Variants in RARS2 observed in about 807,000 individuals in gnomAD.
RARS2 encodes the protein probable arginine--tRNA ligase, mitochondrial.
RARS2 carries 67 observed loss-of-function variants against 88.5 expected under a neutral mutation model. The ratio of observed to expected loss-of-function variants is 0.76; its 90% CI spans 0.62 to 0.93. The LOEUF (loss-of-function observed/expected upper bound fraction) is 0.93. Ranked by LOEUF, RARS2 falls within the 40% of genes least tolerant of loss-of-function variation. The pLI is 0.00. For missense variants in RARS2, 664 were observed against 684.2 expected (o/e 0.97, Z 0.33); for synonymous variants, 239 against 230.3 (o/e 1.04, Z -0.34).
chr6:87,549,513 T>C (rs1216061135), intron 5 of RARS2, among the ~76,000 whole-genome samples: 1 of 151,656 alleles, frequency 6.6e-6, no homozygotes, highest in Non-Finnish European at 1.5e-5. Context: ...ATGACTGCAC[T>C]TCAGCCTGGG....
At chr6:87,548,497 C>T (rs1402390449) in intron 6 of RARS2, 94 bp downstream of exon 6, 8 of 1,262,632 alleles carry the variant, frequency 6.3e-6, no homozygotes, top group Admixed American at 2.1e-5. Context: ...TTGTTTTTTG[C>T]TATTTTGTTA....
chr6:87,571,214 G>A (rs990362961), intron 1 of RARS2, among the ~76,000 whole-genome samples: 2 of 152,298 alleles, frequency 1.3e-5, no homozygotes, highest in African/African-American at 4.8e-5. Context: ...GTTCTCACGA[G>A]ATCTGATGGT....
At chr6:87,576,827 T>C (rs1440705180) in intron 1 of RARS2, among the ~76,000 whole-genome samples, 2 of 152,188 alleles carry the variant, frequency 1.3e-5, no homozygotes, top group Non-Finnish European at 2.9e-5. Context: ...GCTGGATAAG[T>C]TGCTAAATTT....
At chr6:87,534,132 G>C (rs747896157) in intron 8 of RARS2, among the ~76,000 whole-genome samples, 4 of 152,282 alleles carry the variant, frequency 2.6e-5, no homozygotes, top group Non-Finnish European at 5.9e-5. Flanking sequence ...TTAGCTGCTA[G>C]TTGATTCCGA....
At chr6:87,527,899 C>A (rs1001556128) in intron 10 of RARS2, among the ~76,000 whole-genome samples, 2 of 151,970 alleles carry the variant, frequency 1.3e-5, no homozygotes, top group Non-Finnish European at 2.9e-5. Context: ...AGAACACAGA[C>A]TGGGGCCTGT....
At chr6:87,561,033 T>C (rs1424912459) in intron 4 of RARS2, among the ~76,000 whole-genome samples, 1 of 152,236 alleles carries the variant, frequency 6.6e-6, no homozygotes, top group Non-Finnish European at 1.5e-5. Context: ...ATGTTAGTGA[T>C]TTATATATTT....
At chr6:87,560,240 C>G (rs557931358) in intron 4 of RARS2, among the ~76,000 whole-genome samples, 112 of 152,190 alleles carry the variant, frequency 7.4e-4, no homozygotes, top group African/African-American at 1.1e-3. Context: ...TTAAATTTAA[C>G]TTTTTCTTTT....
In RARS2 at chr6:87,545,659, T is replaced by C. The variant is rs980521855; in HGVS notation, c.492A>G (p.Gln164=). The change falls in exon 7 of 20, where the codon CAA becomes CAG. Residue 164 remains glutamine (Q), a synonymous_variant. Coordinates refer to ENST00000369536, the MANE Select transcript of RARS2 (RefSeq NM_020320.5). ...CGCCAAGGTAATTTATTCTTATTAC[T>C]TGATGTCCTAAAGCTTCTTTGAGAT... ...IANLKEALGH[Q]VIRINYLGDW... 6.2e-7 allele frequency: 1 copy of C among 1,613,766 alleles called. No homozygotes were observed. The highest frequency in any genetic ancestry group is 8.5e-7 in the Non-Finnish European group (1 of 1,179,882).
At chr6:87,543,164 A>G (rs1012799536) in intron 7 of RARS2, among the ~76,000 whole-genome samples, 10 of 151,962 alleles carry the variant, frequency 6.6e-5, no homozygotes, top group African/African-American at 2.4e-4. Flanking sequence ...TTAGCCTGGC[A>G]TGGTGGCACA....
chr6:87,555,362 C>G (rs1465000213), intron 5 of RARS2, 46 bp downstream of exon 5: 1 of 1,439,528 alleles, frequency 6.9e-7, no homozygotes, highest in Admixed American at 1.7e-5. Context: ...CACTCCTCTG[C>G]CCAGTCAACT....
chr6:87,567,985 A>T (rs1179430298), intron 2 of RARS2, among the ~76,000 whole-genome samples: 1 of 151,922 alleles, frequency 6.6e-6, no homozygotes, highest in African/African-American at 2.4e-5. Flanking sequence ...GTTAGCCAGG[A>T]TGGTCTCCAT....
rs777750134 is a variant in RARS2 at position 87,562,734 on chromosome 6, T to G, written c.265A>C (p.Asn89His). 53 of 1,613,304 alleles carry G rather than the reference T, an allele frequency of 3.3e-5. 1 individual carries two copies. In the South Asian group the frequency reaches 5.3e-4, roughly 16 times the overall value. The change falls in exon 4 of 20, where the codon AAT (asparagine) becomes CAT (histidine). Residue 89 changes from asparagine to histidine, a missense_variant. Asn to His is a moderately conservative substitution (Grantham distance 68). Transcript: ENST00000369536. The part of the protein sequence containing the change: ...SEISTGQRTV[N>H]FKINRELLTK... ...AAGAGCTCTCTGTTTATTTTGAAAT[T>G]TACAGTCCTTTGACCAGTACTGATT...
intron 2 of RARS2, among the ~76,000 whole-genome samples, chr6:87,567,014 A>C (rs1342403849): frequency 2.6e-5 from 4 of 152,110 alleles, no homozygotes; most frequent in Admixed American, 2.6e-4. Flanking sequence ...GAGCTCAAGC[A>C]ATCCTTCTAC....
intron 1 of RARS2, among the ~76,000 whole-genome samples, chr6:87,571,598 A>C (rs1470017236): frequency 6.6e-6 from 1 of 152,132 alleles, no homozygotes; most frequent in Non-Finnish European, 1.5e-5. Context: ...GAAAAAGAGA[A>C]GGGAATGATG....
chr6:87,555,033 G>A (rs1785399992), intron 5 of RARS2, among the ~76,000 whole-genome samples: 2 of 152,062 alleles, frequency 1.3e-5, no homozygotes, highest in South Asian at 4.1e-4. Context: ...GAACCCAGGA[G>A]GTGGAGCTTG....
chr6:87,527,803 A>C (rs1776238380), intron 10 of RARS2, among the ~76,000 whole-genome samples: 1 of 152,028 alleles, frequency 6.6e-6, no homozygotes, highest in African/African-American at 2.4e-5. Context: ...TCAGTAAACT[A>C]ATGCAGGAAC....
At chr6:87,542,661 G>GA (rs10628110) in intron 7 of RARS2, among the ~76,000 whole-genome samples, 353 of 134,506 alleles carry the variant, frequency 2.6e-3, no homozygotes, top group African/African-American at 7.7e-3. Context: ...AAAAAAAAAA[G>GA]AAAAAAAAAA....
Position 87,564,126 on chromosome 6 carries a change from G to T in RARS2, c.213+4C>A. On this transcript the variant is annotated splice_donor_region_variant and intron_variant, in intron 3 of 19. Coordinates refer to ENST00000369536, the MANE Select transcript of RARS2 (RefSeq NM_020320.5). ...GTCAAAAAGAGATAATAGTGCTAACGTACCTTCTCTGCTAGTCTCTTGGCT... is the reference window on the plus strand; with the variant it reads ...GTCAAAAAGAGATAATAGTGCTAACTTACCTTCTCTGCTAGTCTCTTGGCT... 6.3e-7 allele frequency: 1 copy of T among 1,591,430 alleles called. No homozygotes were observed. Among genetic ancestry groups the T allele is most frequent in the Non-Finnish European group, 8.6e-7 (1 of 1,159,506 alleles).
intron 16 of RARS2, 73 bp downstream of exon 16, chr6:87,518,557 T>C: frequency 6.8e-7 from 1 of 1,464,076 alleles, no homozygotes; most frequent in East Asian, 2.3e-5. Context: ...ACAGGGCCTC[T>C]GGTCTTAGAA....
Sources: allele counts gnomAD v4.1 joint callset (sites outside exome capture counted in the v4.1 genomes callset), GRCh38; gene constraint gnomAD v4.1.1; transcripts MANE v1.5; gene names NCBI Gene and HGNC (gene_info 2026-07-23, HGNC 2026-07-21).